Variants in ALDH18A1 observed in about 807,000 individuals in gnomAD.
ALDH18A1 encodes aldehyde dehydrogenase 18 family member A1.
A neutral mutation model predicts 88.8 loss-of-function variants in ALDH18A1; 44 were observed. That is an observed-to-expected ratio of 0.50 (90% CI 0.39 to 0.64). ALDH18A1 has a LOEUF of 0.64. Ranked by LOEUF, ALDH18A1 falls within the 30% of genes least tolerant of loss-of-function variation. The pLI is 0.00. For missense variants in ALDH18A1, 782 were observed against 1,009.5 expected, an observed-to-expected ratio of 0.77 and a Z score of 3.05; for synonymous variants, 331 against 372.1, an observed-to-expected ratio of 0.89 and a Z score of 1.27.
At chr10:95,632,198 AC>A (rs1341477879) in intron 7 of ALDH18A1, among the ~76,000 whole-genome samples, 1 of 152,200 alleles carries the variant, frequency 6.6e-6, no homozygotes, top group Non-Finnish European at 1.5e-5. Context: ...CAGAAAATAT[AC>A]TGGAGACTGC....
chr10:95,651,514 G>T (rs1399384977), intron 2 of ALDH18A1, among the ~76,000 whole-genome samples: 2 of 152,192 alleles, frequency 1.3e-5, no homozygotes, highest in African/African-American at 4.8e-5. Flanking sequence ...ATAGTTCTGT[G>T]GGCTGTACAG....
At position 95,649,606 on chromosome 10, in the gene ALDH18A1, C is replaced by T. The variant is rs187281798; in HGVS notation, c.88+3684G>A. 1.9e-3 allele frequency among the ~76,000 whole-genome samples: 295 copies of T among 152,130 alleles called. 2 individuals carry two copies. The highest frequency in any genetic ancestry group is 9.2e-3 in the Admixed American group (141 of 15,284). ...TCCTGACCTCGTGATCTGCCCACCT[C>T]GGCCTCCCAAAGTGCTGGGATTACA... is the stretch of plus-strand genomic sequence containing the variant. On this transcript the variant is annotated intron_variant, in intron 2 of 17. Transcript: ENST00000371224.
Position 95,643,044 on chromosome 10 carries a change from C to CG in ALDH18A1, c.250dup (p.Arg84ProfsTer4). 1 of 1,613,974 alleles carries CG rather than the reference C, an allele frequency of 6.2e-7. No individual in the cohort carries two copies. On this transcript the variant is annotated frameshift_variant, in exon 3 of 18. Transcript: ENST00000371224. LOFTEE classifies it high-confidence loss of function. ...CAGGGCCAGGCCACATTCATCCCCT[C>CG]GGGTCACCACGGCACTGCCGAGCTT...
At chr10:95,608,506 G>A (rs958073593) in intron 17 of ALDH18A1, among the ~76,000 whole-genome samples, 2 of 152,202 alleles carry the variant, frequency 1.3e-5, no homozygotes, top group African/African-American at 4.8e-5. Flanking sequence ...GTGTCTTTCT[G>A]TTTTGTTTTG....
Position 95,621,098 on chromosome 10 carries a change from T to C in ALDH18A1, c.1400A>G (p.Glu467Gly). The C allele has an allele frequency of 6.2e-7, 1 of 1,614,122 alleles. No individual in the cohort carries two copies. Among genetic ancestry groups the C allele is most frequent in the African/African-American group, 1.3e-5 (1 of 75,016 alleles). ...AACTCCAATTGGGACAGTCACTTGT[T>C]CCAGTTCCAAGTTTTTGGCGATTCG... is the stretch of plus-strand genomic sequence containing the variant. ...RTRIAKNLELEQVTVPIGVLL... is the reference protein window; with the variant it reads ...RTRIAKNLELGQVTVPIGVLL... The change falls in exon 12 of 18, where the codon GAA becomes GGA. Residue 467 changes from glutamate (E) to glycine (G), a missense_variant. By Grantham distance (98) the Glu-to-Gly change is moderately conservative (BLOSUM62 -2). This residue lies in a region of ALDH18A1 where 556 missense variants were observed against 654.5 expected (regional missense o/e 0.85). Coordinates refer to ENST00000371224, the MANE Select transcript of ALDH18A1 (RefSeq NM_002860.4).
intron 7 of ALDH18A1, among the ~76,000 whole-genome samples, chr10:95,631,696 T>C (rs2097869869): frequency 6.9e-6 from 1 of 144,818 alleles, no homozygotes; most frequent in South Asian, 2.2e-4. Context: ...TGAGCCGATA[T>C]TGTGCCACTA....
chr10:95,609,184 A>G (rs917406483), intron 17 of ALDH18A1, among the ~76,000 whole-genome samples: 4 of 152,154 alleles, frequency 2.6e-5, no homozygotes, highest in African/African-American at 7.2e-5. Flanking sequence ...CTGGAGTTTT[A>G]TATACTGGTA....
intron 17 of ALDH18A1, among the ~76,000 whole-genome samples, chr10:95,608,846 C>T (rs1245377476): frequency 3.3e-5 from 5 of 152,152 alleles, no homozygotes; most frequent in Admixed American, 2.0e-4. Context: ...ATTCAGAAAA[C>T]GTGTCATAAA....
intron 7 of ALDH18A1, 49 bp from the exon 8 acceptor site, chr10:95,628,541 C>G (rs759691276): frequency 1.2e-6 from 2 of 1,602,760 alleles, no homozygotes; most frequent in Admixed American, 3.3e-5. Context: ...GAAGTGTCTC[C>G]AAGACAGGCC....
At chr10:95,628,339 T>A in intron 8 of ALDH18A1, 29 bp downstream of exon 8, 3 of 1,614,054 alleles carry the variant, frequency 1.9e-6, no homozygotes, top group Non-Finnish European at 2.5e-6. Context: ...TTAAAATTGT[T>A]ATAGGCAGTT....
intron 11 of ALDH18A1, among the ~76,000 whole-genome samples, chr10:95,623,568 C>A (rs535832750): frequency 6.6e-6 from 1 of 151,412 alleles, no homozygotes; most frequent in African/African-American, 2.4e-5. Flanking sequence ...CTACCACGGC[C>A]GGCTTTTTTT....
chr10:95,635,236 A>T (rs999300739), intron 5 of ALDH18A1, among the ~76,000 whole-genome samples: 12 of 152,208 alleles, frequency 7.9e-5, no homozygotes, highest in Non-Finnish European at 1.8e-4. Flanking sequence ...GACTAGGTCC[A>T]AACTGAACAT....
intron 7 of ALDH18A1, among the ~76,000 whole-genome samples, chr10:95,629,188 T>G (rs1248980985): frequency 6.6e-6 from 1 of 152,086 alleles, no homozygotes; most frequent in African/African-American, 2.4e-5. Flanking sequence ...AAAGAGTAAG[T>G]AGGAGCTTGG....
At chr10:95,636,477 G>C (rs1043439460) in intron 5 of ALDH18A1, among the ~76,000 whole-genome samples, 4 of 152,166 alleles carry the variant, frequency 2.6e-5, no homozygotes, top group African/African-American at 9.7e-5. Flanking sequence ...GAAGGTTCTA[G>C]AACATTTAGG....
intron 12 of ALDH18A1, among the ~76,000 whole-genome samples, chr10:95,620,058 C>T (rs1463071600): frequency 6.6e-6 from 1 of 152,132 alleles, no homozygotes; most frequent in Non-Finnish European, 1.5e-5. Flanking sequence ...GGCTAATATC[C>T]AGAATCTTCA....
At position 95,614,055 on chromosome 10, in the gene ALDH18A1, G is replaced by A; in HGVS notation, c.1712C>T (p.Ala571Val). The A allele has an allele frequency of 6.2e-7, 1 of 1,614,156 alleles. No individual in the cohort carries two copies. Among genetic ancestry groups the A allele is most frequent in the Non-Finnish European group, 8.5e-7 (1 of 1,180,014 alleles). ...GTGCCCCATCACTGGAATCCCCTTA[G>A]CAGCTTTCTGGATGTCTCTGACCAG... ...SQLVRDIQKA[A>V]KGIPVMGHSE... Residue 571 changes from alanine to valine, a missense_variant, in exon 14 of 18, where the codon GCT becomes GTT. Coordinates refer to ENST00000371224, the MANE Select transcript of ALDH18A1 (RefSeq NM_002860.4).
rs2097874591 is a variant in ALDH18A1, at chr10:95,633,510, C to T, written c.698G>A (p.Ser233Asn). The part of the protein sequence containing the change: ...DAVVPPAEPN[S>N]DLQGVNVISV... ...ACCCACATTTACCCCCTGCAGGTCA[C>T]TGTTGGGCTCAGCTGGGGGGACAAC... The change falls in exon 6 of 18, where the codon AGT becomes AAT. Residue 233 changes from serine (S) to asparagine (N), a missense_variant. Transcript: ENST00000371224. The T allele has an allele frequency of 6.2e-7, 1 of 1,614,188 alleles. No individual in the cohort carries two copies. The highest frequency in any genetic ancestry group is 1.1e-5 in the South Asian group (1 of 91,086).
At chr10:95,623,125 T>C (rs1589508164) in intron 11 of ALDH18A1, among the ~76,000 whole-genome samples, 1 of 152,222 alleles carries the variant, frequency 6.6e-6, no homozygotes, top group African/African-American at 2.4e-5. Flanking sequence ...ACCAACCAAT[T>C]ATACAAATTA....
At chr10:95,641,497 TTG>T (rs1491098802) in intron 3 of ALDH18A1, among the ~76,000 whole-genome samples, 2 of 136,302 alleles carry the variant, frequency 1.5e-5, no homozygotes, top group Non-Finnish European at 3.2e-5. Context: ...TGGGTGTTTT[TTG>T]TTTTTTTTTT....
Sources: allele counts gnomAD v4.1 joint callset (sites outside exome capture counted in the v4.1 genomes callset), GRCh38; gene constraint gnomAD v4.1.1; regional missense constraint gnomAD v4.1.1; transcripts MANE v1.5; gene names NCBI Gene and HGNC (gene_info 2026-07-23, HGNC 2026-07-21).